DOK6: variants seen among roughly 807,000 people sequenced by gnomAD.
DOK6 encodes docking protein 6, also known as downstream of tyrosine kinase 6.
Under a neutral mutation model 44.0 loss-of-function variants are expected in DOK6, and 22 were observed. The ratio of observed to expected loss-of-function variants is 0.50; its 90% CI spans 0.36 to 0.71. The LOEUF is 0.71. Ranked by LOEUF, DOK6 falls within the 30% of genes least tolerant of loss-of-function variation. DOK6 has a pLI of 0.00. For missense variants in DOK6, 340 were observed against 416.4 expected (o/e 0.82, Z 1.60); for synonymous variants, 166 against 145.5 (o/e 1.14, Z -1.01).
intron 7 of DOK6, among the ~76,000 whole-genome samples, chr18:69,828,884 G>GTATATATATATATGTATATATATATATA (rs1555673466): frequency 1.1e-5 from 1 of 90,172 alleles, no homozygotes; most frequent in East Asian, 4.0e-4. Flanking sequence ...ACATTTATGT[G>GTATATATATATATGTATATATATATATA]TATATATATA....
At chr18:69,719,323 A>G (rs761395588) in intron 5 of DOK6, among the ~76,000 whole-genome samples, 3 of 152,224 alleles carry the variant, frequency 2.0e-5, no homozygotes, top group Non-Finnish European at 4.4e-5. Flanking sequence ...AGGGGTCAAC[A>G]GGACTGGTTG....
intron 5 of DOK6, among the ~76,000 whole-genome samples, chr18:69,699,023 T>C (rs1986453363): frequency 6.6e-6 from 1 of 152,210 alleles, no homozygotes; most frequent in South Asian, 2.1e-4. Context: ...TTAAATAAAT[T>C]TAAATATTGC....
At chr18:69,422,361 T>A (rs1004279489) in intron 1 of DOK6, among the ~76,000 whole-genome samples, 1 of 152,264 alleles carries the variant, frequency 6.6e-6, no homozygotes, top group East Asian at 1.9e-4. Flanking sequence ...AGTGTCCAGA[T>A]TGGCATACTC....
chr18:69,585,000 G>A (rs1983465950), intron 2 of DOK6, among the ~76,000 whole-genome samples: 1 of 118,844 alleles, frequency 8.4e-6, no homozygotes, highest in African/African-American at 2.5e-5. Context: ...TTCAAATGGA[G>A]CTTTTGTTTA....
chr18:69,782,099 TATA>T, intron 7 of DOK6, among the ~76,000 whole-genome samples: 1 of 151,648 alleles, frequency 6.6e-6, no homozygotes, highest in South Asian at 2.1e-4. Context: ...GAAGATTAGC[TATA>T]GAGACTACAG....
At chr18:69,621,035 A>G (rs1486530102) in intron 3 of DOK6, among the ~76,000 whole-genome samples, 2 of 152,106 alleles carry the variant, frequency 1.3e-5, no homozygotes, top group Non-Finnish European at 2.9e-5. Flanking sequence ...CTGGTTATCT[A>G]TATCTACTTG....
intron 2 of DOK6, among the ~76,000 whole-genome samples, chr18:69,573,756 A>G (rs938098334): frequency 6.6e-6 from 1 of 151,836 alleles, no homozygotes; most frequent in Non-Finnish European, 1.5e-5. Context: ...CCACTGTCTT[A>G]ACTAGTTCAA....
At chr18:69,836,951 G>C (rs1258173593) in intron 7 of DOK6, among the ~76,000 whole-genome samples, 1 of 152,156 alleles carries the variant, frequency 6.6e-6, no homozygotes, top group East Asian at 1.9e-4. Flanking sequence ...AGTACTGACT[G>C]AGGTATGCTA....
Position 69,647,995 on chromosome 18 carries a change from T to A in DOK6, c.290-29739T>A, listed in dbSNP as rs1362654746. ...CATTTGTTTACATACTGCTTTATTT[T>A]AGGACAGGATTACAGTGACTAGAAG... On this transcript the variant is annotated intron_variant, in intron 3 of 7. Coordinates refer to ENST00000382713, the MANE Select transcript of DOK6 (RefSeq NM_152721.6). Among the ~76,000 whole-genome samples the A allele has an allele frequency of 2.0e-5, 3 of 152,318 alleles. No homozygotes were observed. In the East Asian group the frequency reaches 5.8e-4, roughly 29 times the overall value.
At chr18:69,823,028 T>C (rs62090528) in intron 7 of DOK6, among the ~76,000 whole-genome samples, 2,116 of 152,322 alleles carry the variant, frequency 0.014, 19 homozygotes, top group Admixed American at 0.019. Context: ...CAACAGGTAA[T>C]GATTAACAAT....
chr18:69,760,314 T>C (rs556449021), intron 7 of DOK6, among the ~76,000 whole-genome samples: 1 of 152,180 alleles, frequency 6.6e-6, no homozygotes, highest in Admixed American at 6.5e-5. Context: ...AACACGTACG[T>C]TTTTCACAAA....
chr18:69,480,922 A>T (rs917789860), intron 1 of DOK6, among the ~76,000 whole-genome samples: 12 of 152,206 alleles, frequency 7.9e-5, no homozygotes, highest in Admixed American at 5.2e-4. Flanking sequence ...AAGAACTCAC[A>T]TACGGTCCTG....
rs573255967 is a variant in DOK6 at position 69,818,273 on chromosome 18, C to T, written c.857-22971C>T. 6.2e-4 allele frequency among the ~76,000 whole-genome samples: 95 copies of T among 152,262 alleles called. 1 individual carries two copies. Among genetic ancestry groups the T allele is most frequent in the African/African-American group, 2.2e-3 (90 of 41,562 alleles). On this transcript the variant is annotated intron_variant, in intron 7 of 7. Coordinates refer to ENST00000382713, the MANE Select transcript of DOK6 (RefSeq NM_152721.6). ...CCTTCACATCTTGAGACATCTCAAC[C>T]AGGAGGGAGTGATGAGAGGAATGTG...
At chr18:69,497,457 G>A (rs1408110253) in intron 1 of DOK6, among the ~76,000 whole-genome samples, 1 of 152,158 alleles carries the variant, frequency 6.6e-6, no homozygotes, top group Non-Finnish European at 1.5e-5. Context: ...AATCGTTCAT[G>A]TGGCTGGAAA....
intron 1 of DOK6, among the ~76,000 whole-genome samples, chr18:69,467,218 A>G (rs1286852763): frequency 6.6e-6 from 1 of 152,166 alleles, no homozygotes; most frequent in African/African-American, 2.4e-5. Flanking sequence ...ATATTCTATT[A>G]TAGCTGCCTA....
At chr18:69,579,553 C>T (rs1391161580) in intron 2 of DOK6, among the ~76,000 whole-genome samples, 2 of 145,142 alleles carry the variant, frequency 1.4e-5, no homozygotes, top group African/African-American at 5.0e-5. Flanking sequence ...GAAGGTGGGC[C>T]AAAAGAAGCC....
intron 7 of DOK6, among the ~76,000 whole-genome samples, chr18:69,820,815 T>G (rs1409633109): frequency 6.6e-6 from 1 of 152,108 alleles, no homozygotes; most frequent in Non-Finnish European, 1.5e-5. Context: ...ATACTGCATA[T>G]TCTCACTTAT....
chr18:69,653,857 C>CATCTCT (rs1555720415), intron 3 of DOK6, among the ~76,000 whole-genome samples: 5 of 151,478 alleles, frequency 3.3e-5, no homozygotes, highest in Non-Finnish European at 4.4e-5. Flanking sequence ...ATGTTTCAAA[C>CATCTCT]ATAATGTTTC....
intron 1 of DOK6, among the ~76,000 whole-genome samples, chr18:69,468,902 A>T (rs1980005056): frequency 6.6e-6 from 1 of 152,238 alleles, no homozygotes; most frequent in South Asian, 2.1e-4. Flanking sequence ...TAAAAATAAA[A>T]GCAAAGGAGG....
Sources: gnomAD v4.1 joint callset for allele counts (sites outside exome capture counted in the v4.1 genomes callset) on GRCh38, gnomAD v4.1.1 for gene constraint, MANE v1.5 for transcripts, NCBI Gene and HGNC (gene_info 2026-07-23, HGNC 2026-07-21) for gene names.